The following ATAD1 variants were observed in gnomAD, a reference collection of about 807,000 sequenced individuals.
ATAD1 encodes the protein ATPase family AAA domain containing 1.
ATAD1 carries 18 observed loss-of-function variants against 42.7 expected under a neutral mutation model. The ratio of observed to expected loss-of-function variants is 0.42; its 90% CI spans 0.29 to 0.63. The LOEUF (loss-of-function observed/expected upper bound fraction) is 0.63, where lower values mean the gene tolerates loss of function less well. Among genes scored for constraint, ATAD1 ranks in the 20% least tolerant of loss-of-function variants. The probability of loss-of-function intolerance (pLI) is 0.19; values close to 1 mark genes in which losing one functional copy is unlikely to be tolerated. For synonymous variants in ATAD1, 132 were observed against 143.1 expected (o/e 0.92, Z 0.55); for missense variants, 294 against 440.4 (o/e 0.67, Z 2.98).
In ATAD1 at chr10:87,754,788, G is replaced by A. The variant is rs1854146384; in HGVS notation, c.985C>T (p.Arg329Trp). 7 of 1,612,378 alleles carry A rather than the reference G, an allele frequency of 4.3e-6. No homozygotes were observed. The highest frequency in any genetic ancestry group is 2.2e-5 in the East Asian group (1 of 44,808). Residue 329 changes from arginine to tryptophan, a missense_variant, in exon 10 of 10, where the codon CGG becomes TGG. By Grantham distance (101) the Arg-to-Trp change is moderately radical (BLOSUM62 -3). Transcript: ENST00000680024. ...SEESHDEDEI[R>W]PVQQQDLHRA... ...TGCAGGTCCTGCTGTTGAACAGGCC[G>A]AATTTCATCTTCGTCATGGCTAAAA... is the stretch of plus-strand genomic sequence containing the variant.
At position 87,753,920 on chromosome 10, in the gene ATAD1, A is replaced by T. The variant is rs1248373818; in HGVS notation, c.*767T>A. The T allele has an allele frequency of 6.6e-6, 1 of 152,478 alleles. No individual in the cohort carries two copies. The highest frequency in any genetic ancestry group is 6.5e-5 in the Admixed American group (1 of 15,272). 9.4% of individuals were successfully genotyped at this position (152,478 alleles called of 1,614,324 possible). A position where few individuals can be genotyped will look rare whatever the true frequency, so the allele number is the denominator to read the frequency against. Reference sequence around the variant, plus strand: ...CTTTCATGTAAACCAATTTAAATTTAAAAAGTTTATACTCAAGAGGTGAAA... The same window carrying T: ...CTTTCATGTAAACCAATTTAAATTTTAAAAGTTTATACTCAAGAGGTGAAA... On this transcript the variant is annotated 3_prime_UTR_variant, in exon 10 of 10. Coordinates refer to ENST00000680024, the MANE Select transcript of ATAD1 (RefSeq NM_001321967.2).
intron 1 of ATAD1, among the ~76,000 whole-genome samples, chr10:87,826,008 C>T (rs1054141940): frequency 1.3e-5 from 2 of 152,200 alleles, no homozygotes; most frequent in African/African-American, 4.8e-5. Context: ...CAGGGCAAAG[C>T]TGGCTGATTT....
intron 4 of ATAD1, among the ~76,000 whole-genome samples, chr10:87,788,964 A>G (rs573436319): frequency 1.3e-5 from 2 of 152,328 alleles, no homozygotes; most frequent in Admixed American, 1.3e-4. Flanking sequence ...AAACAAAAAG[A>G]AATACCTAAT....
intron 2 of ATAD1, among the ~76,000 whole-genome samples, chr10:87,798,776 T>C (rs1233290781): frequency 6.6e-6 from 1 of 152,158 alleles, no homozygotes; most frequent in Admixed American, 6.5e-5. Flanking sequence ...AATTTGGCTA[T>C]CTGATTTTCA....
chr10:87,834,457 C>A (rs1032530544), intron 1 of ATAD1, among the ~76,000 whole-genome samples: 2 of 152,036 alleles, frequency 1.3e-5, no homozygotes, highest in Non-Finnish European at 2.9e-5. Flanking sequence ...AATTTAATTT[C>A]TTTACAGGTA....
chr10:87,778,116 C>T (rs987647947), intron 5 of ATAD1, among the ~76,000 whole-genome samples: 1 of 148,480 alleles, frequency 6.7e-6, no homozygotes, highest in Non-Finnish European at 1.5e-5. Flanking sequence ...ATAATTACAT[C>T]CATCATTAAA....
intron 6 of ATAD1, among the ~76,000 whole-genome samples, chr10:87,774,267 G>A (rs1436110106): frequency 6.6e-6 from 1 of 152,216 alleles, no homozygotes; most frequent in African/African-American, 2.4e-5. Context: ...TAAGGCTGGA[G>A]GTAAAGCCTA....
At chr10:87,837,508 A>T (rs939965824) in intron 1 of ATAD1, among the ~76,000 whole-genome samples, 3 of 152,194 alleles carry the variant, frequency 2.0e-5, no homozygotes, top group African/African-American at 7.2e-5. Flanking sequence ...TTTGGTACAT[A>T]TGCTGTTTGT....
chr10:87,769,036 A>G (rs1285519825), intron 7 of ATAD1, among the ~76,000 whole-genome samples: 1 of 152,234 alleles, frequency 6.6e-6, no homozygotes, highest in Non-Finnish European at 1.5e-5. Context: ...GCTATAATTT[A>G]TAATTGTACG....
chr10:87,816,022 T>G (rs1589562467), intron 1 of ATAD1, among the ~76,000 whole-genome samples: 1 of 152,262 alleles, frequency 6.6e-6, no homozygotes, highest in South Asian at 2.1e-4. Context: ...AAAATCAACT[T>G]TATTTGCTCC....
chr10:87,775,420 CA>C (rs35200026), intron 6 of ATAD1, among the ~76,000 whole-genome samples: 58 of 24,052 alleles, frequency 2.4e-3, no homozygotes, highest in East Asian at 0.022. Context: ...GACTCCATCT[CA>C]AAAAAAAAAA....
At chr10:87,805,392 T>A (rs568907139) in intron 2 of ATAD1, among the ~76,000 whole-genome samples, 6 of 152,176 alleles carry the variant, frequency 3.9e-5, no homozygotes, top group African/African-American at 7.2e-5. Context: ...CCATCCCCAA[T>A]GCCAATTTAA....
At chr10:87,812,544 T>A (rs1008155692) in intron 2 of ATAD1, among the ~76,000 whole-genome samples, 4 of 152,170 alleles carry the variant, frequency 2.6e-5, no homozygotes, top group Middle Eastern at 3.2e-3. Context: ...ATTATAGGCG[T>A]GAGCCACCAC....
intron 1 of ATAD1, among the ~76,000 whole-genome samples, chr10:87,839,428 T>C (rs77728862): frequency 6.6e-6 from 1 of 152,230 alleles, no homozygotes; most frequent in African/African-American, 2.4e-5. Flanking sequence ...GAGGATCGTA[T>C]TGAATAATAT....
Position 87,810,487 on chromosome 10 carries a change from T to C in ATAD1, c.162+3951A>G, listed in dbSNP as rs1371515747. ...TGATGGAGATGTCCATTTTTCCCTG[T>C]AGTTATATCATATTTTTGCTTTATG... On this transcript the variant is annotated intron_variant, in intron 2 of 9. Transcript: ENST00000680024. Among the ~76,000 whole-genome samples, 3 of 152,276 alleles carry C rather than the reference T, an allele frequency of 2.0e-5. No homozygotes were observed. The East Asian group carries it at 5.8e-4, about 29-fold the overall frequency.
intron 2 of ATAD1, among the ~76,000 whole-genome samples, chr10:87,806,944 A>C (rs74605386): frequency 0.016 from 2,395 of 152,250 alleles, 43 homozygotes; most frequent in African/African-American, 0.04. Flanking sequence ...AGTTTCCCAC[A>C]GTTTGCTGCC....
At chr10:87,831,372 C>T (rs1225502850) in intron 1 of ATAD1, among the ~76,000 whole-genome samples, 3 of 152,192 alleles carry the variant, frequency 2.0e-5, no homozygotes, top group South Asian at 2.1e-4. Context: ...CTTTTATCCA[C>T]GATTCTCATT....
chr10:87,768,123 C>T (rs1242920018), intron 7 of ATAD1, among the ~76,000 whole-genome samples: 2 of 152,058 alleles, frequency 1.3e-5, no homozygotes, highest in African/African-American at 2.4e-5. Context: ...GCAACAGTAA[C>T]TTCTCAGTTC....
intron 2 of ATAD1, among the ~76,000 whole-genome samples, chr10:87,809,578 CGTT>C (rs1857083243): frequency 1.3e-5 from 2 of 150,712 alleles, no homozygotes; most frequent in Admixed American, 1.3e-4. Context: ...AGTTTAAACA[CGTT>C]GTTTGTTGTT....
Sources: gnomAD v4.1 joint callset for allele counts (sites outside exome capture counted in the v4.1 genomes callset) on GRCh38, gnomAD v4.1.1 for gene constraint, MANE v1.5 for transcripts, NCBI Gene and HGNC (gene_info 2026-07-23, HGNC 2026-07-21) for gene names.